Variants in PTPRR observed in about 807,000 individuals in gnomAD.
The protein encoded by PTPRR is receptor-type tyrosine-protein phosphatase R.
Under a neutral mutation model 77.2 loss-of-function variants are expected in PTPRR, and 38 were observed. The observed-to-expected ratio is 0.49, with a 90% CI of 0.38 to 0.65. PTPRR has a LOEUF of 0.65. Among genes scored for constraint, PTPRR ranks in the 30% least tolerant of loss-of-function variants. The pLI, the probability that PTPRR is intolerant of heterozygous loss-of-function variation, is 0.00. For synonymous variants in PTPRR, 299 were observed against 283.1 expected (o/e 1.06, Z -0.57); for missense variants, 744 against 799.2 (o/e 0.93, Z 0.83).
chr12:70,759,018 G>A (rs879836961), intron 4 of PTPRR, among the ~76,000 whole-genome samples: 4 of 151,952 alleles, frequency 2.6e-5, no homozygotes, highest in African/African-American at 9.7e-5. Context: ...CATTACAACC[G>A]TAAATTCCTG....
intron 3 of PTPRR, among the ~76,000 whole-genome samples, chr12:70,763,188 G>C (rs1161845295): frequency 6.6e-6 from 1 of 151,850 alleles, no homozygotes; most frequent in Non-Finnish European, 1.5e-5. Context: ...GAGTGCCATG[G>C]AGTGATCTCT....
chr12:70,908,240 C>T (rs1893651037), intron 1 of PTPRR, among the ~76,000 whole-genome samples: 1 of 152,040 alleles, frequency 6.6e-6, no homozygotes, highest in South Asian at 2.1e-4. Context: ...AAAATCTCAC[C>T]ATAGTAATGA....
chr12:70,745,066 T>C (rs190364181), intron 6 of PTPRR, among the ~76,000 whole-genome samples: 5 of 152,276 alleles, frequency 3.3e-5, no homozygotes, highest in Admixed American at 2.6e-4. Flanking sequence ...AATAATGTCA[T>C]GGATTTTTTT....
intron 1 of PTPRR, among the ~76,000 whole-genome samples, chr12:70,905,176 T>G (rs781415810): frequency 6.6e-6 from 1 of 151,554 alleles, no homozygotes; most frequent in Non-Finnish European, 1.5e-5. Context: ...GGAGGGAGAT[T>G]AGGGATGTTA....
At chr12:70,893,717 T>A (rs1893377953) in intron 1 of PTPRR, among the ~76,000 whole-genome samples, 1 of 151,862 alleles carries the variant, frequency 6.6e-6, no homozygotes, top group African/African-American at 2.4e-5. Flanking sequence ...GAGAGTCTGG[T>A]AGGAGCATGA....
chr12:70,746,194 T>A (rs1890211341), intron 5 of PTPRR, 108 bp from the exon 6 acceptor site: 2 of 1,058,812 alleles, frequency 1.9e-6, no homozygotes, highest in African/African-American at 1.6e-5. Context: ...GGCTTAACGA[T>A]AAAGTAAACA....
chr12:70,747,739 A>G (rs1565680051), intron 5 of PTPRR, among the ~76,000 whole-genome samples: 1 of 152,226 alleles, frequency 6.6e-6, no homozygotes, highest in East Asian at 1.9e-4. Context: ...TGGTACGTGT[A>G]CAAACTGATT....
At chr12:70,780,991 T>C (rs1188732495) in intron 2 of PTPRR, among the ~76,000 whole-genome samples, 3 of 152,234 alleles carry the variant, frequency 2.0e-5, no homozygotes, top group Non-Finnish European at 2.9e-5. Flanking sequence ...TGGTTTACCA[T>C]TGCTGCCTGT....
chr12:70,701,454 T>C, intron 6 of PTPRR, 131 bp from the exon 7 acceptor site: 1 of 794,296 alleles, frequency 1.3e-6, no homozygotes, highest in East Asian at 2.7e-5. Flanking sequence ...TTTTCTCTTT[T>C]AGTATCATGG....
rs538184129 is a variant in PTPRR, at chr12:70,784,448, C to T, written c.358-19670G>A. Among the ~76,000 whole-genome samples, 6 of 152,288 alleles carry T rather than the reference C, an allele frequency of 3.9e-5. No homozygotes were observed. The South Asian group carries it at 1.2e-3, about 32-fold the overall frequency. On this transcript the variant is annotated intron_variant, in intron 2 of 13. Transcript: ENST00000283228. ...CTGCCGAGAGCTCTCCCTGTCTCTC[C>T]GGAGCTCCCCCTGTGGCCCGGGAGC...
At chr12:70,666,776 C>T (rs1389950862) in intron 10 of PTPRR, among the ~76,000 whole-genome samples, 1 of 151,864 alleles carries the variant, frequency 6.6e-6, no homozygotes, top group East Asian at 1.9e-4. Flanking sequence ...TTGACATAAA[C>T]TATATGATCT....
At chr12:70,662,336 C>T (rs893040060) in intron 11 of PTPRR, among the ~76,000 whole-genome samples, 159 bp downstream of exon 11, 3 of 152,056 alleles carry the variant, frequency 2.0e-5, no homozygotes, top group Admixed American at 2.0e-4. Context: ...TAGTAGTTGA[C>T]AACAAAAAAT....
intron 1 of PTPRR, among the ~76,000 whole-genome samples, chr12:70,909,479 C>T (rs1382175551): frequency 8.5e-5 from 13 of 152,076 alleles, no homozygotes; most frequent in Admixed American, 7.9e-4. Context: ...CTTTCCGGAA[C>T]AAAGCATTTC....
chr12:70,684,067 A>G, intron 10 of PTPRR, 60 bp downstream of exon 10: 1 of 1,547,062 alleles, frequency 6.5e-7, no homozygotes, highest in South Asian at 1.2e-5. Flanking sequence ...TTACTAACAC[A>G]GTATCTCTTC....
intron 2 of PTPRR, among the ~76,000 whole-genome samples, chr12:70,888,032 G>C (rs10784877): frequency 1.7e-4 from 8 of 47,274 alleles, no homozygotes; most frequent in African/African-American, 2.7e-4. Context: ...GTGTGTGTGG[G>C]TGTGTGTGTG....
At chr12:70,729,326 G>GTCTATCTATCTATCTA (rs58783163) in intron 6 of PTPRR, among the ~76,000 whole-genome samples, 5 of 150,966 alleles carry the variant, frequency 3.3e-5, no homozygotes, top group African/African-American at 9.8e-5. Flanking sequence ...GTATCTATCT[G>GTCTATCTATCTATCTA]TCTATCTATC....
chr12:70,918,469 G>T (rs1162835800), intron 1 of PTPRR, among the ~76,000 whole-genome samples: 1 of 152,132 alleles, frequency 6.6e-6, no homozygotes, highest in Non-Finnish European at 1.5e-5. Flanking sequence ...TTGAAGTAGA[G>T]ATGGATTGGA....
At chr12:70,698,654 CAG>C (rs1888317540) in intron 7 of PTPRR, among the ~76,000 whole-genome samples, 3 of 152,162 alleles carry the variant, frequency 2.0e-5, no homozygotes, top group Non-Finnish European at 4.4e-5. Flanking sequence ...AAAGATTAGA[CAG>C]ATGCTAAAAA....
chr12:70,708,606 T>C (rs1513103), intron 6 of PTPRR, among the ~76,000 whole-genome samples: 115,444 of 151,654 alleles, frequency 0.76, 47,235 homozygotes, highest in East Asian at 1. Context: ...TTGACTGTCA[T>C]TCATGGTGAG....
Sources: gnomAD v4.1 joint callset for allele counts (sites outside exome capture counted in the v4.1 genomes callset) on GRCh38, gnomAD v4.1.1 for gene constraint, MANE v1.5 for transcripts, NCBI Gene and HGNC (gene_info 2026-07-23, HGNC 2026-07-21) for gene names.